Variants in JAZF1 observed in about 807,000 individuals in gnomAD.
JAZF1 encodes juxtaposed with another zinc finger protein 1.
A neutral mutation model predicts 26.4 loss-of-function variants in JAZF1; 8 were observed. The ratio of observed to expected loss-of-function variants is 0.30; its 90% confidence interval spans 0.18 to 0.55. The LOEUF (loss-of-function observed/expected upper bound fraction) is 0.55, where lower values mean the gene tolerates loss of function less well. Ranked by LOEUF, JAZF1 falls within the 20% of genes least tolerant of loss-of-function variation. The pLI, the probability that JAZF1 is intolerant of heterozygous loss-of-function variation, is 0.94. For synonymous variants in JAZF1, 126 were observed against 122.3 expected, an observed-to-expected ratio of 1.03 and a Z score of -0.20; for missense variants, 199 against 322.0, an observed-to-expected ratio of 0.62 and a Z score of 2.92.
intron 1 of JAZF1, among the ~76,000 whole-genome samples, chr7:28,017,019 C>T (rs536304889): frequency 1.3e-5 from 2 of 152,258 alleles, no homozygotes; most frequent in Admixed American, 6.5e-5. Flanking sequence ...ATGAAAGTGA[C>T]AGCCATCCTA....
chr7:27,959,848 C>T (rs1016464256), intron 2 of JAZF1, among the ~76,000 whole-genome samples: 4 of 151,302 alleles, frequency 2.6e-5, no homozygotes, highest in Non-Finnish European at 5.9e-5. Flanking sequence ...TGCAGTGAGC[C>T]GAGATCATGC....
intron 1 of JAZF1, among the ~76,000 whole-genome samples, chr7:28,152,646 T>G (rs1242597636): frequency 6.6e-6 from 1 of 152,278 alleles, no homozygotes; most frequent in South Asian, 2.1e-4. Flanking sequence ...AAGAAAAAGA[T>G]AAAAATTAAA....
intron 1 of JAZF1, among the ~76,000 whole-genome samples, chr7:28,179,156 T>A (rs1306564155): frequency 6.6e-6 from 1 of 152,214 alleles, no homozygotes; most frequent in African/African-American, 2.4e-5. Context: ...GGGGGCAATT[T>A]ACAGGTTCTC....
At chr7:27,955,656 G>A (rs565238566) in intron 2 of JAZF1, among the ~76,000 whole-genome samples, 77 of 152,314 alleles carry the variant, frequency 5.1e-4, no homozygotes, top group Admixed American at 8.5e-4. Context: ...CCCCAAACCT[G>A]CTCAGCAATT....
chr7:28,084,595 T>C (rs1784185502), intron 1 of JAZF1, among the ~76,000 whole-genome samples: 1 of 152,180 alleles, frequency 6.6e-6, no homozygotes. Flanking sequence ...AGTCTTTCTG[T>C]GCCATGGTCA....
At chr7:28,011,716 A>C (rs970791126) in intron 1 of JAZF1, among the ~76,000 whole-genome samples, 1 of 152,198 alleles carries the variant, frequency 6.6e-6, no homozygotes, top group Non-Finnish European at 1.5e-5. Context: ...CCTACTATTA[A>C]AAGATACTTC....
intron 1 of JAZF1, among the ~76,000 whole-genome samples, chr7:28,037,142 A>C (rs923952858): frequency 6.6e-6 from 1 of 152,192 alleles, no homozygotes; most frequent in Non-Finnish European, 1.5e-5. Flanking sequence ...GACAATTATG[A>C]TGTAGGAAAA....
At chr7:27,880,957 G>A (rs1257711164) in intron 3 of JAZF1, among the ~76,000 whole-genome samples, 2 of 152,242 alleles carry the variant, frequency 1.3e-5, no homozygotes, top group African/African-American at 2.4e-5. Context: ...TTATAGGCGT[G>A]AGCCACTGTG....
chr7:27,901,712 G>A (rs1488370853), intron 2 of JAZF1, among the ~76,000 whole-genome samples: 1 of 152,316 alleles, frequency 6.6e-6, no homozygotes, highest in African/African-American at 2.4e-5. Flanking sequence ...ACTGCATGTC[G>A]CCAGGAGGCT....
At chr7:27,952,937 A>G (rs948143002) in intron 2 of JAZF1, among the ~76,000 whole-genome samples, 4 of 152,254 alleles carry the variant, frequency 2.6e-5, no homozygotes, top group Non-Finnish European at 5.9e-5. Context: ...CCACATCCTG[A>G]TAACAAAGAG....
At chr7:28,042,938 A>C (rs1185846221) in intron 1 of JAZF1, among the ~76,000 whole-genome samples, 1 of 152,204 alleles carries the variant, frequency 6.6e-6, no homozygotes, top group Non-Finnish European at 1.5e-5. Flanking sequence ...AGTTTCTCAG[A>C]AAGTATTCCC....
intron 2 of JAZF1, among the ~76,000 whole-genome samples, chr7:27,937,984 T>C (rs973486390): frequency 6.6e-6 from 1 of 152,250 alleles, no homozygotes; most frequent in Non-Finnish European, 1.5e-5. Context: ...ATCTTGGACA[T>C]CTTTTCAGGT....
intron 1 of JAZF1, among the ~76,000 whole-genome samples, chr7:28,088,558 A>T (rs1302995160): frequency 6.6e-6 from 1 of 152,204 alleles, no homozygotes. Flanking sequence ...TGCCACAGGG[A>T]TCAAAGTCAG....
chr7:28,147,192 A>G (rs1482278358), intron 1 of JAZF1, among the ~76,000 whole-genome samples: 2 of 151,844 alleles, frequency 1.3e-5, no homozygotes, highest in Non-Finnish European at 2.9e-5. Flanking sequence ...CATTATACTT[A>G]CTGGTTGAGC....
chr7:27,963,573 T>C (rs2128357794), intron 2 of JAZF1, among the ~76,000 whole-genome samples: 1 of 139,134 alleles, frequency 7.2e-6, no homozygotes, highest in East Asian at 2.4e-4. Flanking sequence ...CCCCCCCTTT[T>C]TTTTTGGAGA....
chr7:28,089,378 T>C (rs1784259154), intron 1 of JAZF1, among the ~76,000 whole-genome samples: 1 of 152,224 alleles, frequency 6.6e-6, no homozygotes, highest in African/African-American at 2.4e-5. Context: ...CACCTTGATC[T>C]TGGACTTCCC....
chr7:27,872,618 AG>A (rs1256321562), intron 3 of JAZF1, among the ~76,000 whole-genome samples: 1 of 152,232 alleles, frequency 6.6e-6, no homozygotes, highest in Non-Finnish European at 1.5e-5. Flanking sequence ...AATTAAAAAC[AG>A]TTGAACTGGG....
chr7:27,908,788 C>G (rs1012453527), intron 2 of JAZF1, among the ~76,000 whole-genome samples: 2 of 152,212 alleles, frequency 1.3e-5, no homozygotes, highest in African/African-American at 4.8e-5. Context: ...TCAGGCCAAC[C>G]TCATCTACTC....
intron 2 of JAZF1, among the ~76,000 whole-genome samples, chr7:27,990,853 T>C (rs75915165): frequency 0.087 from 13,298 of 152,286 alleles, 698 homozygotes; most frequent in Middle Eastern, 0.16. Flanking sequence ...TCAAATATTA[T>C]TGGTAATGAA....
Sources: gnomAD v4.1 joint callset for allele counts (sites outside exome capture counted in the v4.1 genomes callset) on GRCh38, gnomAD v4.1.1 for gene constraint, MANE v1.5 for transcripts, NCBI Gene and HGNC (gene_info 2026-07-23, HGNC 2026-07-21) for gene names.